Variants in ZFYVE16 observed in about 807,000 individuals in gnomAD.
ZFYVE16 encodes the protein zinc finger FYVE-type containing 16, also known as zinc finger FYVE domain-containing protein 16.
In ZFYVE16, 89 loss-of-function variants were observed where a neutral mutation model predicts 138.1. That is an observed-to-expected ratio of 0.64 (90% CI 0.54 to 0.77). ZFYVE16 has a LOEUF of 0.77. Ranked by LOEUF, ZFYVE16 falls within the 30% of genes least tolerant of loss-of-function variation. The pLI, the probability that ZFYVE16 is intolerant of heterozygous loss-of-function variation, is 0.00. For missense variants in ZFYVE16, 1,793 were observed against 1,786.7 expected (o/e 1.00, Z -0.06); for synonymous variants, 596 against 618.3 (o/e 0.96, Z 0.53).
At position 80,434,231 on chromosome 5, in the gene ZFYVE16, C is replaced by T. The variant is rs751738899; in HGVS notation, c.70+14C>T. On this transcript the variant is annotated intron_variant, in intron 3 of 18. Transcript: ENST00000505560. ...AACAGAACCCAGGTTTGTTGATTTT[C>T]CATTTTTGCCGCTAATGGGATTTAA... The T allele has an allele frequency of 2.5e-6, 4 of 1,612,098 alleles. No homozygotes were observed. The highest frequency in any genetic ancestry group is 2.2e-5 in the East Asian group (1 of 44,786).
Position 80,437,094 on chromosome 5 carries a change from G to C in ZFYVE16, c.409G>C (p.Val137Leu), listed in dbSNP as rs149926336. 1,836 of 1,614,096 alleles carry C rather than the reference G, an allele frequency of 1.1e-3. 16 individuals carry two copies. In the African/African-American group the frequency reaches 0.021, roughly 18 times the overall value. The change falls in exon 4 of 19, where the codon GTT (valine) becomes CTT (leucine). Residue 137 changes from valine to leucine, a missense_variant. Physicochemically the swap from Val to Leu is conservative, Grantham distance 32. This residue lies in a region of ZFYVE16 where 1,295 missense variants were observed against 1,204.3 expected (regional missense o/e 1.08). Transcript: ENST00000505560. Reference sequence around the variant, plus strand: ...TCTGATAAGTGACATGGGTAACTTAGTTCATGCAACCAATAGTGAAGAAGA... The same window carrying C: ...TCTGATAAGTGACATGGGTAACTTACTTCATGCAACCAATAGTGAAGAAGA... ...CDLISDMGNL[V>L]HATNSEEDIK...
chr5:80,442,017 C>A, intron 5 of ZFYVE16: 2 of 704,262 alleles, frequency 2.8e-6, no homozygotes, highest in Non-Finnish European at 1.7e-6. Context: ...GGATAGTAAA[C>A]AAAAAGATAT....
intron 2 of ZFYVE16, among the ~76,000 whole-genome samples, chr5:80,432,911 A>G (rs556138111): frequency 2.6e-5 from 4 of 152,352 alleles, no homozygotes; most frequent in African/African-American, 9.6e-5. Context: ...CACACCAGTT[A>G]GAATGGCGAT....
Position 80,451,528 on chromosome 5 carries a change from T to C in ZFYVE16, c.3426T>C (p.Ser1142=). The C allele has an allele frequency of 1.2e-6, 2 of 1,613,300 alleles. No individual in the cohort carries two copies. The highest frequency in any genetic ancestry group is 2.2e-5 in the South Asian group (2 of 90,878). Reference sequence around the variant, plus strand: ...TGGACAATATTACCTTTACTGAGAGTTTTCTCAGTAGCAAGGATCACGGAG... The same window carrying C: ...TGGACAATATTACCTTTACTGAGAGCTTTCTCAGTAGCAAGGATCACGGAG... ...ENLDNITFTE[S]FLSSKDHGGF... is the part of the protein sequence containing the mutation. Residue 1142 remains serine, a synonymous_variant, in exon 11 of 19, where the codon AGT becomes AGC. Coordinates refer to ENST00000505560, the MANE Select transcript of ZFYVE16 (RefSeq NM_001284236.3).
intron 1 of ZFYVE16, among the ~76,000 whole-genome samples, chr5:80,418,965 A>G (rs1188714903): frequency 6.6e-6 from 1 of 151,054 alleles, no homozygotes; most frequent in East Asian, 1.9e-4. Flanking sequence ...CTAGGTTCAT[A>G]TTTTTCATAG....
At chr5:80,421,736 C>G (rs759285731) in intron 1 of ZFYVE16, among the ~76,000 whole-genome samples, 1 of 152,136 alleles carries the variant, frequency 6.6e-6, no homozygotes, top group Non-Finnish European at 1.5e-5. Context: ...CGTGATGCCT[C>G]CAGCTTTGTT....
intron 7 of ZFYVE16, among the ~76,000 whole-genome samples, chr5:80,447,086 C>A (rs577533395): frequency 6.6e-6 from 1 of 151,948 alleles, no homozygotes; most frequent in East Asian, 1.9e-4. Flanking sequence ...CATGGCAAAA[C>A]CCCGTCTCTA....
At chr5:80,441,480 G>A (rs1045425041) in intron 5 of ZFYVE16, 34 of 985,134 alleles carry the variant, frequency 3.5e-5, no homozygotes, top group Non-Finnish European at 3.6e-5. Flanking sequence ...TGCCACAGGA[G>A]AGCATAAATA....
At chr5:80,432,262 G>A (rs1412294186) in intron 2 of ZFYVE16, among the ~76,000 whole-genome samples, 1 of 152,078 alleles carries the variant, frequency 6.6e-6, no homozygotes, top group Non-Finnish European at 1.5e-5. Context: ...ACAGAACAGA[G>A]CCCTCAGAAA....
intron 2 of ZFYVE16, among the ~76,000 whole-genome samples, chr5:80,431,918 C>T (rs1749089393): frequency 6.6e-6 from 1 of 152,130 alleles, no homozygotes; most frequent in Admixed American, 6.5e-5. Context: ...CAAACCACTG[C>T]TCAATGAAAT....
In ZFYVE16 at chr5:80,482,459, C is replaced by A. The variant is rs1290600962; in HGVS notation, c.*5082C>A. On this transcript the variant is annotated 3_prime_UTR_variant, in exon 19 of 19. Coordinates refer to ENST00000505560, the MANE Select transcript of ZFYVE16 (RefSeq NM_001284236.3). Reference sequence around the variant, plus strand: ...AGTCTAATATTCATGTCTTAGGAGCCCAGAAAGAACAATTGGAAGAAAAAA... The same window carrying A: ...AGTCTAATATTCATGTCTTAGGAGCACAGAAAGAACAATTGGAAGAAAAAA... 1 of 151,704 alleles carries A rather than the reference C, an allele frequency of 6.6e-6. No individual in the cohort carries two copies. Among genetic ancestry groups the A allele is most frequent in the South Asian group, 2.1e-4 (1 of 4,784 alleles). 9.4% of individuals were successfully genotyped at this position (151,704 alleles called of 1,614,324 possible).
chr5:80,468,011 T>G (rs1236327425), intron 15 of ZFYVE16, among the ~76,000 whole-genome samples: 1 of 152,166 alleles, frequency 6.6e-6, no homozygotes, highest in Non-Finnish European at 1.5e-5. Flanking sequence ...AACTTCATGG[T>G]GGCATGCACC....
chr5:80,457,685 A>G (rs1426863750), intron 14 of ZFYVE16, among the ~76,000 whole-genome samples: 1 of 152,162 alleles, frequency 6.6e-6, no homozygotes, highest in African/African-American at 2.4e-5. Flanking sequence ...TCTGCTTATA[A>G]AAGTAATATA....
At position 80,437,733 on chromosome 5, in the gene ZFYVE16, G is replaced by A. The variant is rs909791192; in HGVS notation, c.1048G>A (p.Asp350Asn). ...QSAQEDSKSL[D>N]LKDNDVIQDS... ...TGCACAAGAAGACTCAAAAAGTTTA[G>A]ACCTTAAGGATAATGATGTAATCCA... Residue 350 changes from aspartate (D) to asparagine (N), a missense_variant, in exon 4 of 19, where the codon GAC (aspartate) becomes AAC (asparagine). Asp to Asn is a conservative substitution (Grantham distance 23). Transcript: ENST00000505560. 2 of 1,613,934 alleles carry A rather than the reference G, an allele frequency of 1.2e-6. No homozygotes were observed. The highest frequency in any genetic ancestry group is 1.7e-6 in the Non-Finnish European group (2 of 1,179,992).
chr5:80,425,011 T>C (rs1024607502), intron 1 of ZFYVE16, among the ~76,000 whole-genome samples: 1 of 152,220 alleles, frequency 6.6e-6, no homozygotes, highest in Non-Finnish European at 1.5e-5. Flanking sequence ...TTTAGTAGTT[T>C]TACAATAGTG....
In ZFYVE16 at chr5:80,437,183, A is replaced by T; in HGVS notation, c.498A>T (p.Leu166Phe). The T allele has an allele frequency of 6.2e-7, 1 of 1,614,086 alleles. No individual in the cohort carries two copies. The change falls in exon 4 of 19, where the codon TTA becomes TTT. Residue 166 changes from leucine (L) to phenylalanine (F), a missense_variant. By Grantham distance (22) the Leu-to-Phe change is conservative. Transcript: ENST00000505560. ...CAGATTCCTTGATTGGATTGGATTT[A>T]TCTTCAGTGTCAGATACTCCCTGTG... is the stretch of plus-strand genomic sequence containing the variant. ...SNADSLIGLD[L>F]SSVSDTPCVS...
intron 1 of ZFYVE16, among the ~76,000 whole-genome samples, chr5:80,418,490 T>G (rs966063664): frequency 9.9e-5 from 15 of 151,928 alleles, no homozygotes; most frequent in African/African-American, 3.4e-4. Flanking sequence ...TTTTTAATTT[T>G]TTTCTTAGAG....
chr5:80,416,859 G>A (rs1397404141), intron 1 of ZFYVE16, among the ~76,000 whole-genome samples: 1 of 152,062 alleles, frequency 6.6e-6, no homozygotes, highest in Non-Finnish European at 1.5e-5. Flanking sequence ...CCCCTGGGAT[G>A]TTACTGCTTC....
chr5:80,451,569 C>A lies in ZFYVE16; in HGVS notation c.3467C>A (p.Thr1156Lys). 2 of 1,613,846 alleles carry A rather than the reference C, an allele frequency of 1.2e-6. No homozygotes were observed. The highest frequency in any genetic ancestry group is 1.7e-6 in the Non-Finnish European group (2 of 1,179,880). The change falls in exon 11 of 19, where the codon ACA becomes AAA. Residue 1156 changes from threonine (T) to lysine (K), a missense_variant. Transcript: ENST00000505560. ...SKDHGGFLFI[T>K]PTFQKLDDLS... ...GATCACGGAGGATTCCTGTTTATTA[C>A]ACCTACTTTTCAGAAACTTGATGAT... is the stretch of plus-strand genomic sequence containing the variant.
Sources: gnomAD v4.1 joint callset for allele counts (sites outside exome capture counted in the v4.1 genomes callset) on GRCh38, gnomAD v4.1.1 for gene constraint, gnomAD v4.1.1 regional missense constraint, MANE v1.5 for transcripts, NCBI Gene and HGNC (gene_info 2026-07-23, HGNC 2026-07-21) for gene names.